COG4: variants seen among roughly 807,000 people sequenced by gnomAD.
The protein encoded by COG4 is component of oligomeric golgi complex 4.
A neutral mutation model predicts 95.1 loss-of-function variants in COG4; 65 were observed. That is an observed-to-expected ratio of 0.68 (90% CI 0.56 to 0.84). The LOEUF is 0.84. Ranked by LOEUF, COG4 falls within the 40% of genes least tolerant of loss-of-function variation. COG4 has a pLI of 0.00. For missense variants in COG4, 1,045 were observed against 989.1 expected, an observed-to-expected ratio of 1.06 and a Z score of -0.76; for synonymous variants, 421 against 374.8, an observed-to-expected ratio of 1.12 and a Z score of -1.42.
intron 11 of COG4, 68 bp from the exon 12 acceptor site, chr16:70,496,499 C>G (rs2049342982): frequency 6.7e-7 from 1 of 1,489,300 alleles, no homozygotes; most frequent in Non-Finnish European, 9.3e-7. Context: ...AAGGGCCAGT[C>G]TTCACCACTC....
intron 9 of COG4, among the ~76,000 whole-genome samples, chr16:70,500,434 T>A (rs1404596469): frequency 6.8e-6 from 1 of 147,902 alleles, no homozygotes; most frequent in Non-Finnish European, 1.5e-5. Flanking sequence ...AGTGGCGTGA[T>A]CTTGGCCCTA....
chr16:70,515,495 C>A (rs774079074), intron 3 of COG4, among the ~76,000 whole-genome samples: 63 of 152,192 alleles, frequency 4.1e-4, no homozygotes, highest in African/African-American at 6.3e-4. Flanking sequence ...ACCAGCCTGA[C>A]CAACATGGTG....
intron 13 of COG4, among the ~76,000 whole-genome samples, chr16:70,488,164 TTC>T (rs560265445): frequency 2.6e-5 from 4 of 151,876 alleles, no homozygotes; most frequent in South Asian, 4.2e-4. Context: ...GATGGAGTCT[TTC>T]TCTGTTGCCC....
chr16:70,505,492 G>A (rs1412267979), intron 8 of COG4, among the ~76,000 whole-genome samples: 1 of 145,836 alleles, frequency 6.9e-6, no homozygotes, highest in East Asian at 2.3e-4. Context: ...GTGAGCCACC[G>A]CACCCACTGG....
chr16:70,501,600 C>T (rs934840811), intron 8 of COG4: 6 of 160,956 alleles, frequency 3.7e-5, no homozygotes, highest in Non-Finnish European at 8.1e-5. Flanking sequence ...GTGATCCGCC[C>T]GCCTCAACCT....
At position 70,481,155 on chromosome 16, in the gene COG4, G is replaced by C; in HGVS notation, c.2236-11C>G. 1 of 1,613,288 alleles carries C rather than the reference G, an allele frequency of 6.2e-7. No homozygotes were observed. Among genetic ancestry groups the C allele is most frequent in the South Asian group, 1.1e-5 (1 of 91,070 alleles). On this transcript the variant is annotated splice_polypyrimidine_tract_variant and intron_variant, in intron 18 of 18. Transcript: ENST00000323786. ...GAGGATCTCGGTCACCTGTGGGGAA[G>C]GACATAGAGACCAGTCAGCAAGGTG... is the stretch of plus-strand genomic sequence containing the variant.
chr16:70,500,929 C>T (rs966193205), intron 9 of COG4, 29 bp downstream of exon 9: 1 of 1,613,574 alleles, frequency 6.2e-7, no homozygotes, highest in African/African-American at 1.3e-5. Flanking sequence ...TACCTCAACC[C>T]TCCCCAAAAA....
chr16:70,481,778 A>C lies in COG4; in HGVS notation c.2092T>G (p.Ser698Ala). The C allele has an allele frequency of 6.2e-7, 1 of 1,613,850 alleles. No individual in the cohort carries two copies. Among genetic ancestry groups the C allele is most frequent in the South Asian group, 1.1e-5 (1 of 91,054 alleles). Residue 698 changes from serine to alanine, a missense_variant, in exon 17 of 19, where the codon TCC (serine) becomes GCC (alanine). Transcript: ENST00000323786. ...AVELEKVVLK[S>A]TFNRLGGLQF... ...CTTTACCTTACCCGGTTAAAGGTGG[A>C]TTTCAGCACCACTTTCTCCAACTCG...
At chr16:70,500,596 G>A (rs916433843) in intron 9 of COG4, among the ~76,000 whole-genome samples, 1 of 151,116 alleles carries the variant, frequency 6.6e-6, no homozygotes, top group Non-Finnish European at 1.5e-5. Context: ...CCTGACCTCC[G>A]GTAATCCACC....
At chr16:70,482,283 C>G (rs536029548) in intron 15 of COG4, 108 bp from the exon 16 acceptor site, 19 of 792,506 alleles carry the variant, frequency 2.4e-5, no homozygotes, top group Non-Finnish European at 3.9e-5. Context: ...TCTTCCTTCC[C>G]TGTGCCTTCT....
At chr16:70,485,956 C>T (rs990681968) in intron 13 of COG4, among the ~76,000 whole-genome samples, 1 of 149,642 alleles carries the variant, frequency 6.7e-6, no homozygotes, top group African/African-American at 2.5e-5. Flanking sequence ...AGTGCAGTGG[C>T]TTGATCTCGG....
At chr16:70,491,520 CAA>C (rs72213284) in intron 12 of COG4, among the ~76,000 whole-genome samples, 2 of 54,836 alleles carry the variant, frequency 3.6e-5, no homozygotes, top group Non-Finnish European at 2.9e-5. Context: ...GACTCTGTCT[CAA>C]AAAAAAAAAA....
chr16:70,505,151 C>G (rs2049535060), intron 8 of COG4, among the ~76,000 whole-genome samples: 1 of 151,148 alleles, frequency 6.6e-6, no homozygotes, highest in East Asian at 2.0e-4. Context: ...CACATGTGTA[C>G]TCAGTAAAAC....
At chr16:70,486,951 C>T (rs568515404) in intron 13 of COG4, among the ~76,000 whole-genome samples, 295 of 149,446 alleles carry the variant, frequency 2.0e-3, no homozygotes, top group Non-Finnish European at 2.9e-3. Flanking sequence ...GCCGAGACTG[C>T]GCCACTGCAC....
chr16:70,502,384 C>T (rs928895905), intron 8 of COG4, among the ~76,000 whole-genome samples: 4 of 149,342 alleles, frequency 2.7e-5, no homozygotes, highest in Non-Finnish European at 4.4e-5. Flanking sequence ...CACCTGAGGT[C>T]GGGAGTTCGA....
chr16:70,497,955 C>T lies in COG4; in HGVS notation c.1296G>A (p.Met432Ile). ...GTCCTACCTTATTGACAGTCTCCCT[C>T]ATGAAGTACTCCTCCATGGTAACAT... is the stretch of plus-strand genomic sequence containing the variant. The part of the protein sequence containing the change: ...GLYVTMEEYF[M>I]RETVNKAVAL... The change falls in exon 10 of 19, where the codon ATG becomes ATA. Residue 432 changes from methionine to isoleucine, a missense_variant. Coordinates refer to ENST00000323786, the MANE Select transcript of COG4 (RefSeq NM_015386.3). 1 of 1,599,646 alleles carries T rather than the reference C, an allele frequency of 6.3e-7. No individual in the cohort carries two copies. The highest frequency in any genetic ancestry group is 8.6e-7 in the Non-Finnish European group (1 of 1,166,810).
At chr16:70,499,552 A>G (rs1372860686) in intron 9 of COG4, among the ~76,000 whole-genome samples, 1 of 152,120 alleles carries the variant, frequency 6.6e-6, no homozygotes, top group African/African-American at 2.4e-5. Context: ...TATTTTTTTA[A>G]ATTTTTTTCC....
rs755910468 is a variant in COG4 at position 70,496,436 on chromosome 16, G to C, written c.1482-5C>G. The C allele has an allele frequency of 6.2e-7, 1 of 1,614,058 alleles. No homozygotes were observed. The highest frequency in any genetic ancestry group is 8.5e-7 in the Non-Finnish European group (1 of 1,179,988). On this transcript the variant is annotated splice_polypyrimidine_tract_variant and splice_region_variant and intron_variant, in intron 11 of 18. Coordinates refer to ENST00000323786, the MANE Select transcript of COG4 (RefSeq NM_015386.3). Reference sequence around the variant, plus strand: ...AGCTTATTACACAGAACATCCCTGGGGGGCAGGATTGCATAGAGGAATTGA... The same window carrying C: ...AGCTTATTACACAGAACATCCCTGGCGGGCAGGATTGCATAGAGGAATTGA...
At position 70,508,382 on chromosome 16, in the gene COG4, T is replaced by C. The variant is rs373013030; in HGVS notation, c.1061+24A>G. 380 of 1,602,448 alleles carry C rather than the reference T, an allele frequency of 2.4e-4. 1 individual carries two copies. The highest frequency in any genetic ancestry group is 6.6e-4 in the Middle Eastern group (4 of 6,026). ...ATTACCAATTCAAACTCCTGTGGGC[T>C]GAAGAAGAGAGAAGGATTATTACCT... On this transcript the variant is annotated intron_variant, in intron 8 of 18. Coordinates refer to ENST00000323786, the MANE Select transcript of COG4 (RefSeq NM_015386.3).
Sources: allele counts gnomAD v4.1 joint callset (sites outside exome capture counted in the v4.1 genomes callset), GRCh38; gene constraint gnomAD v4.1.1; transcripts MANE v1.5; gene names NCBI Gene and HGNC (gene_info 2026-07-23, HGNC 2026-07-21).